The following FHIT variants were observed in gnomAD, a reference collection of about 807,000 sequenced individuals.
FHIT encodes bis(5'-adenosyl)-triphosphatase.
A neutral mutation model predicts 17.9 loss-of-function variants in FHIT; 19 were observed. The ratio of observed to expected loss-of-function variants is 1.06; its 90% CI spans 0.74 to 1.56. FHIT has a LOEUF of 1.56. Ranked by LOEUF, FHIT falls within the 40% of genes most tolerant of loss-of-function variation. The probability of loss-of-function intolerance (pLI) is 0.00; values close to 1 mark genes in which losing one functional copy is unlikely to be tolerated. For synonymous variants in FHIT, 81 were observed against 69.7 expected (o/e 1.16, Z -0.81); for missense variants, 248 against 189.2 (o/e 1.31, Z -1.82).
intron 5 of FHIT, among the ~76,000 whole-genome samples, chr3:60,103,429 C>T (rs1011084644): frequency 2.6e-5 from 4 of 152,116 alleles, no homozygotes; most frequent in African/African-American, 7.2e-5. Context: ...TGCTTTTACA[C>T]GTTTTAGACA....
chr3:60,236,674 T>C (rs1704814532), intron 5 of FHIT, among the ~76,000 whole-genome samples: 2 of 151,294 alleles, frequency 1.3e-5, no homozygotes, highest in South Asian at 4.1e-4. Context: ...TGCTATTGTC[T>C]TGTTTTGCAA....
chr3:60,025,500 C>G (rs189763735), intron 5 of FHIT, among the ~76,000 whole-genome samples: 1 of 151,382 alleles, frequency 6.6e-6, no homozygotes, highest in African/African-American at 2.4e-5. Context: ...GAAGTTCACT[C>G]TGTCTGAGCA....
Position 60,302,183 on chromosome 3 carries a change from T to C in FHIT, c.103+234677A>G, listed in dbSNP as rs115078354. Among the ~76,000 whole-genome samples, 753 of 152,250 alleles carry C rather than the reference T, an allele frequency of 4.9e-3. 4 individuals are homozygous for C. The highest frequency in any genetic ancestry group is 0.017 in the African/African-American group (715 of 41,558). ...TTTTATGTTTTCCTTTTTGAAGATA[T>C]TGGTCATTCTTTTTTTAAATTTTTA... On this transcript the variant is annotated intron_variant, in intron 5 of 9. Transcript: ENST00000492590.
At chr3:61,046,332 C>G (rs145341897) in intron 2 of FHIT, among the ~76,000 whole-genome samples, 7 of 152,234 alleles carry the variant, frequency 4.6e-5, no homozygotes, top group African/African-American at 1.4e-4. Context: ...CACAGAAATA[C>G]AAACTACCAT....
intron 7 of FHIT, among the ~76,000 whole-genome samples, chr3:59,984,168 C>T (rs3772492): frequency 0.36 from 54,794 of 151,886 alleles, 10,772 homozygotes; most frequent in East Asian, 0.53. Flanking sequence ...TATGCTGAAC[C>T]TCATATTCTT....
Position 60,388,459 on chromosome 3 carries a change from G to A in FHIT, c.103+148401C>T, listed in dbSNP as rs9868816. ...TACAGAAAAAATACAACAATTAGCA[G>A]GGCCTGGTGGTCACATGCCTGTAGA... On this transcript the variant is annotated intron_variant, in intron 5 of 9. Transcript: ENST00000492590. 2.6e-4 allele frequency among the ~76,000 whole-genome samples: 39 copies of A among 151,932 alleles called. No homozygotes were observed. In the East Asian group the frequency reaches 5.4e-3, roughly 21 times the overall value.
At chr3:60,493,889 A>T (rs1311489764) in intron 5 of FHIT, among the ~76,000 whole-genome samples, 1 of 152,220 alleles carries the variant, frequency 6.6e-6, no homozygotes, top group Non-Finnish European at 1.5e-5. Flanking sequence ...GAGTCACCAG[A>T]AGCTAAATAT....
intron 5 of FHIT, among the ~76,000 whole-genome samples, chr3:60,375,442 G>A (rs1310870257): frequency 6.6e-6 from 1 of 151,784 alleles, no homozygotes; most frequent in African/African-American, 2.4e-5. Context: ...AGATGTGGTG[G>A]TGTACACCAG....
intron 4 of FHIT, among the ~76,000 whole-genome samples, chr3:60,596,720 T>G (rs2038282762): frequency 6.6e-6 from 1 of 152,174 alleles, no homozygotes; most frequent in South Asian, 2.1e-4. Flanking sequence ...ACAATAGTAC[T>G]AGACACATCT....
chr3:60,389,011 G>A (rs1442639793), intron 5 of FHIT, among the ~76,000 whole-genome samples: 5 of 152,164 alleles, frequency 3.3e-5, no homozygotes, highest in South Asian at 2.1e-4. Context: ...TCCTGGTGTC[G>A]TCTGGCTGTA....
intron 4 of FHIT, among the ~76,000 whole-genome samples, chr3:60,752,850 G>A (rs1289464282): frequency 6.6e-6 from 1 of 152,136 alleles, no homozygotes; most frequent in Non-Finnish European, 1.5e-5. Flanking sequence ...GACATTTAAT[G>A]TAGTTATTCT....
At chr3:60,992,424 G>A (rs1187403318) in intron 3 of FHIT, among the ~76,000 whole-genome samples, 1 of 152,114 alleles carries the variant, frequency 6.6e-6, no homozygotes, top group Admixed American at 6.5e-5. Context: ...TGTATTTCAG[G>A]GGATCAGAAA....
chr3:60,929,658 A>T (rs1233320309), intron 3 of FHIT, among the ~76,000 whole-genome samples: 3 of 152,230 alleles, frequency 2.0e-5, no homozygotes, highest in Non-Finnish European at 2.9e-5. Context: ...CTTACAAGGG[A>T]TGTGAAGGAC....
At chr3:60,643,921 T>C (rs2039789482) in intron 4 of FHIT, among the ~76,000 whole-genome samples, 2 of 152,178 alleles carry the variant, frequency 1.3e-5, no homozygotes, top group Non-Finnish European at 2.9e-5. Context: ...CCAGGGATCT[T>C]AAAGGCATGT....
intron 5 of FHIT, among the ~76,000 whole-genome samples, chr3:60,094,439 A>G (rs889547623): frequency 6.1e-5 from 4 of 65,726 alleles, no homozygotes; most frequent in Non-Finnish European, 1.1e-4. Flanking sequence ...TATCACCTGG[A>G]AAAAAAAAAT....
chr3:60,296,429 T>C lies in FHIT; in HGVS notation c.103+240431A>G, dbSNP rs1017436170. ...TTAGCATTTTCCTTAGAGTTAATGA[T>C]GTAGAACATCTTTTTGTGTGTTTAT... is the stretch of plus-strand genomic sequence containing the variant. On this transcript the variant is annotated intron_variant, in intron 5 of 9. Coordinates refer to ENST00000492590, the MANE Select transcript of FHIT (RefSeq NM_002012.4). Among the ~76,000 whole-genome samples, 4 of 152,182 alleles carry C rather than the reference T, an allele frequency of 2.6e-5. No homozygotes were observed. The East Asian group carries it at 7.7e-4, about 29-fold the overall frequency.
At chr3:60,918,676 T>C (rs528179335) in intron 3 of FHIT, among the ~76,000 whole-genome samples, 67 of 152,282 alleles carry the variant, frequency 4.4e-4, no homozygotes, top group African/African-American at 1.6e-3. Flanking sequence ...GGCAGACACA[T>C]AGATTATACC....
chr3:60,221,506 C>T (rs778146123), intron 5 of FHIT, among the ~76,000 whole-genome samples: 2 of 152,170 alleles, frequency 1.3e-5, no homozygotes, highest in Non-Finnish European at 2.9e-5. Context: ...CATTACTCTT[C>T]AGCTAAAAGT....
At chr3:59,786,768 T>C (rs1699321919) in intron 8 of FHIT, among the ~76,000 whole-genome samples, 1 of 152,278 alleles carries the variant, frequency 6.6e-6, no homozygotes. Flanking sequence ...ACACAATTTT[T>C]ACTAATACAG....
Sources: gnomAD v4.1 joint callset for allele counts (sites outside exome capture counted in the v4.1 genomes callset) on GRCh38, gnomAD v4.1.1 for gene constraint, MANE v1.5 for transcripts, NCBI Gene and HGNC (gene_info 2026-07-23, HGNC 2026-07-21) for gene names.